IFT22: variants seen among roughly 807,000 people sequenced by gnomAD.
IFT22 encodes intraflagellar transport 22.
In IFT22, 13 loss-of-function variants were observed where a neutral mutation model predicts 21.0. The ratio of observed to expected loss-of-function variants is 0.62; its 90% CI spans 0.40 to 0.98. The LOEUF is 0.98. Ranked by LOEUF, IFT22 falls within the 50% of genes least tolerant of loss-of-function variation. The pLI is 0.00. For missense variants in IFT22, 227 were observed against 228.9 expected (o/e 0.99, Z 0.06); for synonymous variants, 67 against 82.4 (o/e 0.81, Z 1.01).
intron 1 of IFT22, among the ~76,000 whole-genome samples, chr7:101,321,134 C>A (rs1180971319): frequency 6.6e-6 from 1 of 151,706 alleles, no homozygotes; most frequent in African/African-American, 2.4e-5. Context: ...CAGGGCGAGA[C>A]TCTGTCTCAA....
chr7:101,311,194 T>C lies in IFT22; in HGVS notation c.*3940A>G, dbSNP rs1485170122. 2.0e-5 allele frequency among the ~76,000 whole-genome samples: 3 copies of C among 151,926 alleles called. No individual in the cohort carries two copies. Among genetic ancestry groups the C allele is most frequent in the Admixed American group, 2.0e-4 (3 of 15,220 alleles). Reference sequence around the variant, plus strand: ...ATTTTTAGTAGAGGTGGGGTTTCACTGTTAGCCAGGATGGTCTCGATCTCT... The same window carrying C: ...ATTTTTAGTAGAGGTGGGGTTTCACCGTTAGCCAGGATGGTCTCGATCTCT... On this transcript the variant is annotated 3_prime_UTR_variant, in exon 5 of 5. Transcript: ENST00000315322.
intron 1 of IFT22, chr7:101,321,367 CG>C (rs1259160733): frequency 4.7e-6 from 2 of 426,710 alleles, no homozygotes; most frequent in South Asian, 3.3e-5. Context: ...AGGGGGATCC[CG>C]GGGGCAAAAG....
chr7:101,316,642 C>T (rs917679291), intron 3 of IFT22, 100 bp from the exon 4 acceptor site: 78 of 1,235,238 alleles, frequency 6.3e-5, no homozygotes, highest in African/African-American at 1.3e-4. Context: ...TGGTCTATGA[C>T]GGCTGGGCGT....
chr7:101,321,532 G>A (rs570595979), intron 1 of IFT22, 139 bp downstream of exon 1: 170 of 788,012 alleles, frequency 2.2e-4, no homozygotes, highest in Non-Finnish European at 3.1e-4. Context: ...AAGGGCAGGG[G>A]CGCCAGTCGG....
intron 1 of IFT22, 62 bp downstream of exon 1, chr7:101,321,609 G>A: frequency 6.5e-7 from 1 of 1,530,376 alleles, no homozygotes; most frequent in Non-Finnish European, 8.8e-7. Flanking sequence ...GTGGGGACCT[G>A]CGCTCGCCCA....
chr7:101,312,267 G>T lies in IFT22; in HGVS notation c.*2867C>A, dbSNP rs1385732941. ...AAAAGTACAAAAATTAGCCAGGCGT[G>T]CACTAATTAGTGGGCTGGACCATTA... On this transcript the variant is annotated 3_prime_UTR_variant, in exon 5 of 5. Transcript: ENST00000315322. Among the ~76,000 whole-genome samples, 2 of 151,974 alleles carry T rather than the reference G, an allele frequency of 1.3e-5. No homozygotes were observed. Among genetic ancestry groups the T allele is most frequent in the African/African-American group, 4.8e-5 (2 of 41,398 alleles).
chr7:101,316,940 T>A (rs996671026), intron 3 of IFT22, among the ~76,000 whole-genome samples: 24 of 151,508 alleles, frequency 1.6e-4, no homozygotes, highest in Non-Finnish European at 2.1e-4. Context: ...ATAAAAAAAA[T>A]TTTAAAAAAA....
At chr7:101,315,598 A>C in intron 4 of IFT22, 1 of 309,690 alleles carries the variant, frequency 3.2e-6, no homozygotes, top group South Asian at 4.4e-5. Flanking sequence ...GTGTTATGTG[A>C]ATTGGAGGTT....
In IFT22 at chr7:101,315,035, G is replaced by A; in HGVS notation, c.*99C>T. ...GGTAGGAACACTTCCTCTGCAGTCA[G>A]AGGGAGAAGAAAACATCAGGAGCTG... On this transcript the variant is annotated 3_prime_UTR_variant, in exon 5 of 5. Transcript: ENST00000315322. 3 of 1,349,536 alleles carry A rather than the reference G, an allele frequency of 2.2e-6. No homozygotes were observed. Among genetic ancestry groups the A allele is most frequent in the Non-Finnish European group, 3.0e-6 (3 of 985,002 alleles). 83.6% of individuals were successfully genotyped at this position (1,349,536 alleles called of 1,614,324 possible).
rs1413710993 is a variant in IFT22, at chr7:101,312,431, A to C, written c.*2703T>G. ...GATGACAGAGTGACACCGTGTCTCA[A>C]AAAAACAAAAAACAAAAAATTGTGT... On this transcript the variant is annotated 3_prime_UTR_variant, in exon 5 of 5. Transcript: ENST00000315322. Among the ~76,000 whole-genome samples the C allele has an allele frequency of 6.6e-6, 1 of 152,024 alleles. No individual in the cohort carries two copies. The highest frequency in any genetic ancestry group is 1.5e-5 in the Non-Finnish European group (1 of 68,024).
rs747465107 is a variant in IFT22, at chr7:101,316,409, C to T, written c.340G>A (p.Asp114Asn). The change falls in exon 4 of 5, where the codon GAC (aspartate) becomes AAC (asparagine). Residue 114 changes from aspartate to asparagine, a missense_variant. Physicochemically the swap from Asp to Asn is conservative, Grantham distance 23. Transcript: ENST00000315322. ...TGTGCAATTAGCATACACTGTGTGT[C>T]CTGTAAGGACGGCTGTTGGACAAAG... Reference protein sequence around the residue: ...SCFVQQPSLQDTQCMLIAHHK... With the variant: ...SCFVQQPSLQNTQCMLIAHHK... 5.6e-6 allele frequency: 9 copies of T among 1,614,146 alleles called. No homozygotes were observed. The highest frequency in any genetic ancestry group is 1.6e-4 in the Middle Eastern group (1 of 6,062).
intron 3 of IFT22, among the ~76,000 whole-genome samples, chr7:101,316,911 G>A (rs900980907): frequency 4.0e-5 from 6 of 151,810 alleles, no homozygotes; most frequent in Non-Finnish European, 8.8e-5. Flanking sequence ...GTGACAGAGC[G>A]AGACTCTGTC....
chr7:101,319,961 TTTA>T (rs1341947434), intron 1 of IFT22, among the ~76,000 whole-genome samples: 1 of 146,130 alleles, frequency 6.8e-6, no homozygotes, highest in Non-Finnish European at 1.5e-5. Context: ...CAGGTTTTAT[TTTA>T]TTTTTTTTTT....
Position 101,315,491 on chromosome 7 carries a change from C to A in IFT22, c.410-209G>T, listed in dbSNP as rs1584308824. On this transcript the variant is annotated intron_variant, in intron 4 of 4. Transcript: ENST00000315322. Reference sequence around the variant, plus strand: ...CAAACCACTTTCCAGGTCTTCTGTTCTTAAACCAGAAAGGAATAGATTCTC... The same window carrying A: ...CAAACCACTTTCCAGGTCTTCTGTTATTAAACCAGAAAGGAATAGATTCTC... 4.1e-5 allele frequency: 24 copies of A among 591,090 alleles called. No homozygotes were observed. The East Asian group carries it at 6.8e-4, about 17-fold the overall frequency. The allele number at this position is 591,090 out of a possible 1,614,324, so 36.6% of individuals were successfully genotyped here. A position where few individuals can be genotyped will look rare whatever the true frequency, so the allele number is the denominator to read the frequency against.
intron 1 of IFT22, among the ~76,000 whole-genome samples, chr7:101,319,678 C>T (rs995494061): frequency 9.1e-5 from 12 of 131,316 alleles, no homozygotes; most frequent in East Asian, 4.6e-4. Context: ...AGGTCTTGCT[C>T]GGTTGCCCAG....
At chr7:101,317,268 C>T (rs796537432) in intron 3 of IFT22, among the ~76,000 whole-genome samples, 26 of 152,184 alleles carry the variant, frequency 1.7e-4, no homozygotes, top group African/African-American at 5.5e-4. Flanking sequence ...AAGCGATTCT[C>T]GTGCCTCAGT....
At chr7:101,319,432 G>A (rs866858108) in intron 1 of IFT22, among the ~76,000 whole-genome samples, 2 of 151,662 alleles carry the variant, frequency 1.3e-5, no homozygotes, top group South Asian at 2.1e-4. Flanking sequence ...CATGTTACTC[G>A]GGCTGGTCTC....
At position 101,315,182 on chromosome 7, in the gene IFT22, G is replaced by A. The variant is rs768361969; in HGVS notation, c.510C>T (p.Asn170=). The A allele has an allele frequency of 1.9e-6, 3 of 1,613,988 alleles. No individual in the cohort carries two copies. Among genetic ancestry groups the A allele is most frequent in the Non-Finnish European group, 2.5e-6 (3 of 1,179,982 alleles). Residue 170 remains asparagine, a synonymous_variant, in exon 5 of 5, where the codon AAC becomes AAT. Coordinates refer to ENST00000315322, the MANE Select transcript of IFT22 (RefSeq NM_022777.4). ...EFIKYLKSII[N]SMSESRDREE... ...CCCTGTCTCTGCTCTCAGACATGGA[G>A]TTGATTATGCTTTTTAAATACTTTA... is the stretch of plus-strand genomic sequence containing the variant.
At chr7:101,320,423 C>T (rs1400773973) in intron 1 of IFT22, among the ~76,000 whole-genome samples, 7 of 151,534 alleles carry the variant, frequency 4.6e-5, no homozygotes, top group African/African-American at 1.7e-4. Context: ...CCACGCCCGG[C>T]TAATTTTTTG....
Sources: gnomAD v4.1 joint callset for allele counts (sites outside exome capture counted in the v4.1 genomes callset) on GRCh38, gnomAD v4.1.1 for gene constraint, MANE v1.5 for transcripts, NCBI Gene and HGNC (gene_info 2026-07-23, HGNC 2026-07-21) for gene names.